ADAP1: variants seen among roughly 807,000 people sequenced by gnomAD.
ADAP1 encodes the protein ArfGAP with dual PH domains 1.
In ADAP1, 31 loss-of-function variants were observed where a neutral mutation model predicts 54.9. The ratio of observed to expected loss-of-function variants is 0.56; its 90% CI spans 0.42 to 0.76. The LOEUF is 0.76. ADAP1 is among the 30% of genes least tolerant of loss of function. The pLI, the probability that ADAP1 is intolerant of heterozygous loss-of-function variation, is 0.00. For missense variants in ADAP1, 535 were observed against 512.4 expected, an observed-to-expected ratio of 1.04 and a Z score of -0.42; for synonymous variants, 313 against 202.6, an observed-to-expected ratio of 1.55 and a Z score of -4.63.
intron 1 of ADAP1, among the ~76,000 whole-genome samples, chr7:951,145 C>T (rs568319821): frequency 1.2e-3 from 185 of 152,166 alleles, no homozygotes; most frequent in African/African-American, 4.0e-3. Flanking sequence ...GAGGCCGAGG[C>T]GGGTGGATCA....
chr7:912,855 T>C (rs932810301), intron 4 of ADAP1, among the ~76,000 whole-genome samples: 1 of 151,966 alleles, frequency 6.6e-6, no homozygotes, highest in Non-Finnish European at 1.5e-5. Flanking sequence ...GCCAGGCCTA[T>C]TTATTTATGT....
Position 926,521 on chromosome 7 carries a change from C to A in ADAP1, c.305+32G>T. 6.6e-7 allele frequency: 1 copy of A among 1,504,770 alleles called. No individual in the cohort carries two copies. Among genetic ancestry groups the A allele is most frequent in the Admixed American group, 2.4e-5 (1 of 42,284 alleles). The allele number at this position is 1,504,770 out of a possible 1,614,324, so 93.2% of individuals were successfully genotyped here. The stretch of plus-strand genomic sequence containing the variant: ...CATCTCGGAGCCACCCAGCACTTGA[C>A]CATGGCCCTGACAAGGCCCCTTTGT... On this transcript the variant is annotated intron_variant, in intron 3 of 10. Coordinates refer to ENST00000265846, the MANE Select transcript of ADAP1 (RefSeq NM_006869.4). The surrounding 1 kb of genome is among the most constrained non-coding windows in gnomAD (Gnocchi z 4.6).
At chr7:941,680 C>T (rs768257623) in intron 1 of ADAP1, among the ~76,000 whole-genome samples, 2 of 152,130 alleles carry the variant, frequency 1.3e-5, no homozygotes, top group South Asian at 2.1e-4. Context: ...ATAACGTTTT[C>T]GTGGGATGGG....
intron 4 of ADAP1, among the ~76,000 whole-genome samples, chr7:906,797 A>AGGGGACAGGG (rs1845471798): frequency 8.0e-5 from 3 of 37,336 alleles, no homozygotes; most frequent in African/African-American, 2.6e-4. Context: ...GGGACGGGAC[A>AGGGGACAGGG]GGGGACATGG....
In ADAP1 at chr7:916,869, C is replaced by T. The variant is rs1583155539; in HGVS notation, c.388+3099G>A. ...AGGCCTGGGGCAGCCTCCCACCGGTCACCCCTGCTCACCCCACGCCGCTCC... is the reference window on the plus strand; with the variant it reads ...AGGCCTGGGGCAGCCTCCCACCGGTTACCCCTGCTCACCCCACGCCGCTCC... On this transcript the variant is annotated intron_variant, in intron 4 of 10. Transcript: ENST00000265846. Among the ~76,000 whole-genome samples the T allele has an allele frequency of 5.3e-5, 8 of 152,180 alleles. No individual in the cohort carries two copies. The South Asian group carries it at 1.2e-3, about 24-fold the overall frequency.
At position 900,621 on chromosome 7, in the gene ADAP1, G is replaced by GGGCAAAGGCGGGCAAAGGCA. The variant is rs113839920; in HGVS notation, c.649-6_649-5insTGCCTTTGCCCGCCTTTGCC. 285 of 1,587,336 alleles carry GGGCAAAGGCGGGCAAAGGCA rather than the reference G, an allele frequency of 1.8e-4. 2 individuals carry two copies. The highest frequency in any genetic ancestry group is 1.6e-3 in the Middle Eastern group (9 of 5,740). ...ATTGAACCAGTCCACAATCTCCTAG[G>GGGCAAAGGCGGGCAAAGGCA]GGCAAAGGTGGGCACAGGCTTGGGC... On this transcript the variant is annotated splice_polypyrimidine_tract_variant and splice_region_variant and intron_variant, in intron 6 of 10. Transcript: ENST00000265846.
Position 899,102 on chromosome 7 carries a change from C to G in ADAP1, c.1027G>C (p.Asp343His). ...AAGGCCGCCACCCACTCCCTCTGGT[C>G]GGACTCCGTCTCGCAGGCAAACAGA... ...KFLFACETES[D>H]QREWVAAFQK... Residue 343 changes from aspartate (D) to histidine (H), a missense_variant, in exon 10 of 11, where the codon GAC (aspartate) becomes CAC (histidine). Coordinates refer to ENST00000265846, the MANE Select transcript of ADAP1 (RefSeq NM_006869.4). 1 of 1,608,434 alleles carries G rather than the reference C, an allele frequency of 6.2e-7. No individual in the cohort carries two copies. The highest frequency in any genetic ancestry group is 8.5e-7 in the Non-Finnish European group (1 of 1,179,926).
intron 2 of ADAP1, among the ~76,000 whole-genome samples, chr7:931,225 T>C (rs556135639): frequency 2.0e-5 from 3 of 151,998 alleles, no homozygotes; most frequent in African/African-American, 7.2e-5. Context: ...TGCTCAAAGG[T>C]GGGAGACAGG....
At chr7:903,912 T>C in intron 6 of ADAP1, 1 of 566,220 alleles carries the variant, frequency 1.8e-6, no homozygotes, top group East Asian at 3.7e-5. Context: ...TTCCTGCACC[T>C]GTCTTCCCAT....
Position 898,783 on chromosome 7 carries a change from G to C in ADAP1, c.*138C>G. ...AAGCATCCTGGAAGCTGAAGCTCGG[G>C]CCCTACCTGGCCGCGCCGGGCTGCC... On this transcript the variant is annotated 3_prime_UTR_variant, in exon 11 of 11. Coordinates refer to ENST00000265846, the MANE Select transcript of ADAP1 (RefSeq NM_006869.4). 2 of 1,166,278 alleles carry C rather than the reference G, an allele frequency of 1.7e-6. No homozygotes were observed. Among genetic ancestry groups the C allele is most frequent in the Non-Finnish European group, 2.4e-6 (2 of 818,328 alleles). 72.2% of individuals were successfully genotyped at this position (1,166,278 alleles called of 1,614,324 possible).
chr7:947,480 C>G (rs1437491067), intron 1 of ADAP1, among the ~76,000 whole-genome samples: 5 of 152,104 alleles, frequency 3.3e-5, no homozygotes, highest in Non-Finnish European at 7.4e-5. Context: ...ACCGTGGCTT[C>G]TCACAGAGCC....
At chr7:955,216 C>T, upstream of ADAP1, 3 of 1,343,862 alleles carry the variant, frequency 2.2e-6, no homozygotes, top group Middle Eastern at 5.7e-4. Context: ...ACCCCTCCCA[C>T]TCAGGCAGGC....
At chr7:929,407 G>A (rs773186657) in intron 2 of ADAP1, among the ~76,000 whole-genome samples, 18 of 151,578 alleles carry the variant, frequency 1.2e-4, no homozygotes, top group South Asian at 2.1e-4. Context: ...TCGGCCGCAC[G>A]TGGTGGCTCA....
intron 4 of ADAP1, among the ~76,000 whole-genome samples, chr7:908,822 C>T (rs1005286273): frequency 4.6e-5 from 7 of 152,234 alleles, no homozygotes; most frequent in Non-Finnish European, 5.9e-5. Flanking sequence ...CCAAGGCGTG[C>T]GTGTCCGTGT....
rs1278674998 is a variant in ADAP1, at chr7:945,156, C to T, written c.82+9240G>A. 1.3e-5 allele frequency among the ~76,000 whole-genome samples: 2 copies of T among 152,158 alleles called. No homozygotes were observed. The highest frequency in any genetic ancestry group is 4.8e-5 in the African/African-American group (2 of 41,440). The stretch of plus-strand genomic sequence containing the variant: ...CCCAAGGCAGAAGGGACGGGCTGAC[C>T]CTTCTGTTTTCCAAGTGACTGAGGC... On this transcript the variant is annotated intron_variant, in intron 1 of 10. Transcript: ENST00000265846. This position sits in a 1 kb window ranked among gnomAD's most constrained non-coding sequence, Gnocchi z 4.2.
chr7:902,758 C>G lies in ADAP1; in HGVS notation c.648+1368G>C, dbSNP rs924343056. Among the ~76,000 whole-genome samples, 5 of 145,872 alleles carry G rather than the reference C, an allele frequency of 3.4e-5. No individual in the cohort carries two copies. The East Asian group carries it at 6.0e-4, about 17-fold the overall frequency. On this transcript the variant is annotated intron_variant, in intron 6 of 10. Transcript: ENST00000265846. ...GGAAGGGCCACCCTGGGCCTGTACC[C>G]AGCACATGAAAAGACGAGGGACCCT...
rs1844627639 is a variant in ADAP1, at chr7:898,748, G to A, written c.*173C>T. On this transcript the variant is annotated 3_prime_UTR_variant, in exon 11 of 11. Transcript: ENST00000265846. ...CCAGGGCCTGGGCTGCCTGCCTTGA[G>A]GTTCCAGAGAAGCATCCTGGAAGCT... 2 of 809,486 alleles carry A rather than the reference G, an allele frequency of 2.5e-6. No individual in the cohort carries two copies. The highest frequency in any genetic ancestry group is 3.9e-6 in the Non-Finnish European group (2 of 509,180). 50.1% of individuals were successfully genotyped at this position (809,486 alleles called of 1,614,324 possible).
chr7:936,266 T>G (rs1243394171), intron 1 of ADAP1, among the ~76,000 whole-genome samples: 1 of 152,144 alleles, frequency 6.6e-6, no homozygotes, highest in South Asian at 2.1e-4. Flanking sequence ...GATGGCACGA[T>G]CTCGGCTCGC....
chr7:943,911 TTATTAC>T (rs1562936982), intron 1 of ADAP1, among the ~76,000 whole-genome samples: 1 of 150,320 alleles, frequency 6.7e-6, no homozygotes, highest in African/African-American at 2.4e-5. Context: ...CTCATCAGAA[TTATTAC>T]TATTATTATT....
Sources: allele counts gnomAD v4.1 joint callset (sites outside exome capture counted in the v4.1 genomes callset), GRCh38; gene constraint gnomAD v4.1.1; non-coding constraint Gnocchi (gnomAD v3.1); transcripts MANE v1.5; gene names NCBI Gene and HGNC (gene_info 2026-07-23, HGNC 2026-07-21).